The following UBE2D2 variants were observed in gnomAD, a reference collection of about 807,000 sequenced individuals.
UBE2D2 encodes ubiquitin-conjugating enzyme E2 D2.
A neutral mutation model predicts 24.2 loss-of-function variants in UBE2D2; 2 were observed. The observed-to-expected ratio is 0.08, with a 90% confidence interval of 0.03 to 0.26. The LOEUF is 0.26. Ranked by LOEUF, UBE2D2 falls within the 10% of genes least tolerant of loss-of-function variation. The pLI is 1.00. For missense variants in UBE2D2, 44 were observed against 177.6 expected, an observed-to-expected ratio of 0.25 and a Z score of 4.28; for synonymous variants, 58 against 56.5, an observed-to-expected ratio of 1.03 and a Z score of -0.12.
rs184511431 is a variant in UBE2D2 at position 139,624,011 on chromosome 5, T to G, written c.398+550T>G. 2.3e-3 allele frequency among the ~76,000 whole-genome samples: 344 copies of G among 152,250 alleles called. 1 individual carries two copies. The highest frequency in any genetic ancestry group is 7.7e-3 in the African/African-American group (320 of 41,548). On this transcript the variant is annotated intron_variant, in intron 6 of 6. Transcript: ENST00000398733. ...CATACAAAAACTTTCCTATGGTATATTTTTCAACAGCTTAATGCCTTATGC... is the reference window on the plus strand; with the variant it reads ...CATACAAAAACTTTCCTATGGTATAGTTTTCAACAGCTTAATGCCTTATGC...
At chr5:139,527,022 G>T (rs1752549067) in intron 1 of UBE2D2, among the ~76,000 whole-genome samples, 1 of 152,044 alleles carries the variant, frequency 6.6e-6, no homozygotes, top group Non-Finnish European at 1.5e-5. Flanking sequence ...AAAAATATGG[G>T]TCAGGCGCAA....
chr5:139,561,862 G>A, intron 1 of UBE2D2, 47 bp downstream of exon 1: 2 of 1,451,998 alleles, frequency 1.4e-6, no homozygotes, highest in Non-Finnish European at 1.8e-6. Context: ...TGAGCAGGCT[G>A]CGGCCTGCAC....
intron 1 of UBE2D2, among the ~76,000 whole-genome samples, chr5:139,550,962 A>G (rs1051894278): frequency 4.6e-5 from 7 of 152,124 alleles, no homozygotes; most frequent in Admixed American, 2.0e-4. Context: ...GATACACCAC[A>G]GTATCATTGT....
chr5:139,535,198 G>A (rs963709291), intron 1 of UBE2D2, among the ~76,000 whole-genome samples: 1 of 151,002 alleles, frequency 6.6e-6, no homozygotes, highest in African/African-American at 2.4e-5. Context: ...TGTAATCCCA[G>A]CACTTTGGGA....
At chr5:139,562,637 A>C (rs1753136595) in intron 1 of UBE2D2, among the ~76,000 whole-genome samples, 1 of 152,158 alleles carries the variant, frequency 6.6e-6, no homozygotes, top group South Asian at 2.1e-4. Flanking sequence ...ATTAGGTGAT[A>C]TGTTTACCGA....
chr5:139,560,948 C>T (rs1183667215), upstream of UBE2D2, among the ~76,000 whole-genome samples: 1 of 152,196 alleles, frequency 6.6e-6, no homozygotes, highest in Non-Finnish European at 1.5e-5. Flanking sequence ...GTGACCTTGG[C>T]CAAGTCCCTT....
chr5:139,556,808 GA>G (rs1395425579), upstream of UBE2D2, among the ~76,000 whole-genome samples: 1 of 147,210 alleles, frequency 6.8e-6, no homozygotes, highest in Non-Finnish European at 1.5e-5. Context: ...GACACAAGAA[GA>G]AAAAGAAAAT....
intron 1 of UBE2D2, among the ~76,000 whole-genome samples, chr5:139,596,995 C>A (rs1225870627): frequency 1.3e-5 from 2 of 151,554 alleles, no homozygotes; most frequent in African/African-American, 4.9e-5. Context: ...TGCAGTGAGC[C>A]AAGATCGTGC....
intron 1 of UBE2D2, chr5:139,562,200 G>C: frequency 2.2e-6 from 3 of 1,381,260 alleles, no homozygotes; most frequent in Non-Finnish European, 2.9e-6. Flanking sequence ...GGTCGAAAGG[G>C]CTTCTCGCCC....
intron 1 of UBE2D2, among the ~76,000 whole-genome samples, chr5:139,547,669 C>T (rs899087243): frequency 6.6e-6 from 1 of 151,916 alleles, no homozygotes; most frequent in African/African-American, 2.4e-5. Context: ...GTGCCTGCCA[C>T]CACACCCGGC....
At chr5:139,552,675 A>ATT (rs35039276) in intron 1 of UBE2D2, among the ~76,000 whole-genome samples, 75 of 59,320 alleles carry the variant, frequency 1.3e-3, no homozygotes, top group African/African-American at 1.6e-3. Context: ...CGCTTGGCTA[A>ATT]TTTTTTTTTT....
At chr5:139,556,167 T>C (rs1350013088), upstream of UBE2D2, among the ~76,000 whole-genome samples, 3 of 146,830 alleles carry the variant, frequency 2.0e-5, no homozygotes, top group Non-Finnish European at 4.5e-5. Flanking sequence ...GCTCGGGAGG[T>C]AGAGATTGCG....
Position 139,548,193 on chromosome 5 carries a change from A to AAAAAAAAATAAAAAAATAAAAAT in UBE2D2, c.-64+21584_-64+21585insAAAAATAAAAAAATAAAAATAAA. Among the ~76,000 whole-genome samples the AAAAAAAAATAAAAAAATAAAAAT allele has an allele frequency of 6.4e-5, 3 of 47,114 alleles. No homozygotes were observed. In the East Asian group the frequency reaches 2.0e-3, roughly 31 times the overall value. The allele number at this position is 47,114 out of a possible 152,430, so 30.9% of individuals were successfully genotyped here. A position where few individuals can be genotyped will look rare whatever the true frequency, so the allele number is the denominator to read the frequency against. On this transcript the variant is annotated intron_variant, in intron 1 of 6. Transcript: ENST00000511725. ...AAAAAAAAAAAAAAAATAAAAAAAA[A>AAAAAAAAATAAAAAAATAAAAAT]AAATAAATAAATAAATAAATAAACG...
At chr5:139,590,183 G>T (rs908136382) in intron 1 of UBE2D2, among the ~76,000 whole-genome samples, 10 of 152,104 alleles carry the variant, frequency 6.6e-5, no homozygotes, top group African/African-American at 2.4e-4. Context: ...TAAAGGATCT[G>T]TTGTGGTTTA....
chr5:139,583,950 G>A (rs376786308), intron 1 of UBE2D2, among the ~76,000 whole-genome samples: 12 of 152,126 alleles, frequency 7.9e-5, no homozygotes, highest in African/African-American at 2.2e-4. Flanking sequence ...CATAGCTCTT[G>A]TAGCGCAATT....
chr5:139,544,604 T>A (rs888314395), intron 1 of UBE2D2, among the ~76,000 whole-genome samples: 1 of 150,226 alleles, frequency 6.7e-6, no homozygotes. Flanking sequence ...TACTGCATTC[T>A]AACCACACAC....
chr5:139,595,822 CT>C (rs1182716468), intron 1 of UBE2D2, among the ~76,000 whole-genome samples: 2 of 151,120 alleles, frequency 1.3e-5, no homozygotes, highest in Non-Finnish European at 2.9e-5. Flanking sequence ...ATTCTCACCC[CT>C]AAGCTTTCCT....
chr5:139,527,810 G>A (rs957759984), intron 1 of UBE2D2, among the ~76,000 whole-genome samples: 4 of 152,244 alleles, frequency 2.6e-5, no homozygotes, highest in African/African-American at 7.2e-5. Flanking sequence ...AAGGCCTCCT[G>A]TGTACTATTA....
At chr5:139,574,868 T>TG (rs1753434874) in intron 1 of UBE2D2, among the ~76,000 whole-genome samples, 1 of 151,972 alleles carries the variant, frequency 6.6e-6, no homozygotes, top group East Asian at 1.9e-4. Context: ...TGCAAGCCTG[T>TG]GGGGAAGATT....
Sources: gnomAD v4.1 joint callset for allele counts (sites outside exome capture counted in the v4.1 genomes callset) on GRCh38, gnomAD v4.1.1 for gene constraint, MANE v1.5 for transcripts, NCBI Gene and HGNC (gene_info 2026-07-23, HGNC 2026-07-21) for gene names.